Variants in CNGA1 observed in about 807,000 individuals in gnomAD.
CNGA1 encodes cyclic nucleotide gated channel subunit alpha 1, also known as cyclic nucleotide-gated channel alpha-1.
A neutral mutation model predicts 69.7 loss-of-function variants in CNGA1; 53 were observed. That is an observed-to-expected ratio of 0.76 (90% CI 0.61 to 0.96). The LOEUF is 0.96. CNGA1 is among the 40% of genes least tolerant of loss of function. The pLI, the probability that CNGA1 is intolerant of heterozygous loss-of-function variation, is 0.00. For synonymous variants in CNGA1, 249 were observed against 283.5 expected (o/e 0.88, Z 1.22); for missense variants, 739 against 811.2 (o/e 0.91, Z 1.08).
intron 3 of CNGA1, among the ~76,000 whole-genome samples, chr4:47,961,642 G>A (rs1339125089): frequency 6.6e-6 from 1 of 152,158 alleles, no homozygotes; most frequent in Non-Finnish European, 1.5e-5. Context: ...TATTCAGGAG[G>A]CTGAGGTGAC....
At chr4:48,002,936 T>G (rs1194831715) in intron 2 of CNGA1, among the ~76,000 whole-genome samples, 1 of 152,138 alleles carries the variant, frequency 6.6e-6, no homozygotes, top group Non-Finnish European at 1.5e-5. Context: ...TTATTATCAT[T>G]TAAACCATAG....
At chr4:47,970,469 G>C (rs1052668867) in intron 3 of CNGA1, among the ~76,000 whole-genome samples, 1 of 151,816 alleles carries the variant, frequency 6.6e-6, no homozygotes, top group Non-Finnish European at 1.5e-5. Flanking sequence ...TGACCAACAT[G>C]GTGAAACCCC....
intron 2 of CNGA1, among the ~76,000 whole-genome samples, chr4:47,995,192 C>G (rs201281467): frequency 1.3e-4 from 5 of 38,102 alleles, no homozygotes; most frequent in Admixed American, 9.9e-4. Context: ...CCTAGGTGTT[C>G]TTTGTGCTTC....
chr4:47,982,659 TATG>T (rs1358451772), intron 2 of CNGA1, among the ~76,000 whole-genome samples: 3 of 152,156 alleles, frequency 2.0e-5, no homozygotes, highest in African/African-American at 4.8e-5. Flanking sequence ...AATATTATAT[TATG>T]ATAATATTTA....
chr4:47,997,403 C>T (rs1714419482), intron 2 of CNGA1, among the ~76,000 whole-genome samples: 1 of 152,112 alleles, frequency 6.6e-6, no homozygotes, highest in South Asian at 2.1e-4. Context: ...CCTTGAAAAA[C>T]AAACCTTCAT....
At chr4:47,984,491 G>A (rs2581489) in intron 2 of CNGA1, among the ~76,000 whole-genome samples, 27,016 of 151,434 alleles carry the variant, frequency 0.18, 2,583 homozygotes, top group Middle Eastern at 0.24. Flanking sequence ...GGTGGTGCAC[G>A]CCTGTAATCC....
chr4:47,971,194 G>GTC, intron 3 of CNGA1: 1 of 389,628 alleles, frequency 2.6e-6, no homozygotes, highest in African/African-American at 2.2e-5. Context: ...GTGTGTGTGT[G>GTC]TGTGCTGTGC....
At chr4:47,952,498 T>C in intron 4 of CNGA1, 85 bp downstream of exon 4, 1 of 1,464,100 alleles carries the variant, frequency 6.8e-7, no homozygotes, top group Non-Finnish European at 9.5e-7. Context: ...GGTTACAAAT[T>C]ATAAAGCTAA....
At chr4:47,991,269 C>T (rs1270550174) in intron 2 of CNGA1, among the ~76,000 whole-genome samples, 1 of 152,154 alleles carries the variant, frequency 6.6e-6, no homozygotes, top group Admixed American at 6.5e-5. Flanking sequence ...ATTTACATTC[C>T]CACCAGCAGT....
intron 2 of CNGA1, among the ~76,000 whole-genome samples, chr4:48,002,982 AC>A (rs1275926523): frequency 6.6e-6 from 1 of 152,138 alleles, no homozygotes; most frequent in East Asian, 1.9e-4. Flanking sequence ...GGTCCTGTGA[AC>A]CCTGAAAATC....
intron 3 of CNGA1, among the ~76,000 whole-genome samples, chr4:47,960,142 ATAAC>A (rs1190324435): frequency 6.6e-6 from 1 of 152,218 alleles, no homozygotes; most frequent in East Asian, 1.9e-4. Flanking sequence ...AGATATAAAA[ATAAC>A]TAATAAGCAC....
intron 3 of CNGA1, among the ~76,000 whole-genome samples, chr4:47,977,046 A>T (rs4695318): frequency 1.4e-4 from 22 of 152,122 alleles, no homozygotes; most frequent in Non-Finnish European, 2.2e-4. Context: ...CAGAGGAAAC[A>T]GCATGTGTAA....
chr4:47,941,788 A>T (rs1201873295), intron 9 of CNGA1, among the ~76,000 whole-genome samples: 1 of 152,164 alleles, frequency 6.6e-6, no homozygotes, highest in Admixed American at 6.5e-5. Flanking sequence ...AAAGTTAAAA[A>T]AATTAAAAAA....
intron 10 of CNGA1, 121 bp from the exon 11 acceptor site, chr4:47,937,950 C>G (rs975798558): frequency 9.9e-6 from 7 of 708,338 alleles, no homozygotes; most frequent in Non-Finnish European, 1.7e-5. Context: ...AATAAATATG[C>G]CTTTAACAAT....
chr4:47,994,803 G>C (rs1206247254), intron 2 of CNGA1, among the ~76,000 whole-genome samples: 2 of 152,084 alleles, frequency 1.3e-5, no homozygotes, highest in South Asian at 2.1e-4. Context: ...AAGAGGTTCT[G>C]TTTGATGTGT....
chr4:47,984,182 A>T (rs746505309), intron 2 of CNGA1, among the ~76,000 whole-genome samples: 3 of 152,172 alleles, frequency 2.0e-5, no homozygotes, highest in Non-Finnish European at 4.4e-5. Flanking sequence ...ATAGCAAAGA[A>T]TTCTTCTACA....
At chr4:47,970,161 A>G (rs1349439826) in intron 3 of CNGA1, among the ~76,000 whole-genome samples, 1 of 152,184 alleles carries the variant, frequency 6.6e-6, no homozygotes, top group African/African-American at 2.4e-5. Context: ...CAAACTGTTA[A>G]TACCACTGGG....
intron 2 of CNGA1, among the ~76,000 whole-genome samples, chr4:48,002,471 AT>A (rs1419404859): frequency 6.6e-6 from 1 of 152,114 alleles, no homozygotes; most frequent in Non-Finnish European, 1.5e-5. Flanking sequence ...TTGTACTCAA[AT>A]GATCTCCTCC....
chr4:47,988,792 A>C (rs17654757), intron 2 of CNGA1, among the ~76,000 whole-genome samples: 23,376 of 152,060 alleles, frequency 0.15, 2,258 homozygotes, highest in East Asian at 0.26. Flanking sequence ...TTTAGTACCT[A>C]TTAACTCTTC....
Sources: gnomAD v4.1 joint callset for allele counts (sites outside exome capture counted in the v4.1 genomes callset) on GRCh38, gnomAD v4.1.1 for gene constraint, MANE v1.5 for transcripts, NCBI Gene and HGNC (gene_info 2026-07-23, HGNC 2026-07-21) for gene names.